Variants in NR1H4 observed in about 807,000 individuals in gnomAD.
The protein encoded by NR1H4 is bile acid receptor.
In NR1H4, 23 loss-of-function variants were observed where a neutral mutation model predicts 58.5. The ratio of observed to expected loss-of-function variants is 0.39; its 90% CI spans 0.28 to 0.56. The LOEUF (loss-of-function observed/expected upper bound fraction) is 0.56, where lower values mean the gene tolerates loss of function less well. NR1H4 is among the 20% of genes least tolerant of loss of function. The pLI, the probability that NR1H4 is intolerant of heterozygous loss-of-function variation, is 0.58. For synonymous variants in NR1H4, 214 were observed against 198.0 expected, an observed-to-expected ratio of 1.08 and a Z score of -0.68; for missense variants, 487 against 576.9, an observed-to-expected ratio of 0.84 and a Z score of 1.60.
intron 9 of NR1H4, among the ~76,000 whole-genome samples, chr12:100,561,459 A>G (rs182223469): frequency 9.8e-5 from 15 of 152,354 alleles, no homozygotes; most frequent in Admixed American, 2.0e-4. Flanking sequence ...GAAGCTGTCT[A>G]TACTTCCAGA....
chr12:100,554,951 T>C (rs1433948647), intron 9 of NR1H4, among the ~76,000 whole-genome samples: 1 of 152,240 alleles, frequency 6.6e-6, no homozygotes, highest in African/African-American at 2.4e-5. Context: ...GAAAATTATT[T>C]TTTAACTCTC....
chr12:100,553,749 C>T (rs972323762), intron 9 of NR1H4, among the ~76,000 whole-genome samples: 1 of 152,330 alleles, frequency 6.6e-6, no homozygotes, highest in East Asian at 1.9e-4. Context: ...CTATCCTTGG[C>T]GTATTGACCT....
chr12:100,491,641 C>G (rs772731730), intron 1 of NR1H4, among the ~76,000 whole-genome samples: 29 of 151,542 alleles, frequency 1.9e-4, no homozygotes, highest in African/African-American at 7.0e-4. Flanking sequence ...CCCACCAAGC[C>G]GCTTATATTA....
chr12:100,533,890 C>CTT (rs758465149), intron 5 of NR1H4, among the ~76,000 whole-genome samples: 9 of 143,410 alleles, frequency 6.3e-5, no homozygotes, highest in South Asian at 2.2e-4. Context: ...TAATAGCTCT[C>CTT]TTTTTTTTTT....
chr12:100,479,601 A>T (rs1953337545), intron 1 of NR1H4, among the ~76,000 whole-genome samples: 1 of 152,248 alleles, frequency 6.6e-6, no homozygotes, highest in Non-Finnish European at 1.5e-5. Context: ...ACTAAGTTCA[A>T]GAATCAACCC....
intron 9 of NR1H4, among the ~76,000 whole-genome samples, chr12:100,559,401 C>G (rs577872316): frequency 1.2e-4 from 18 of 152,332 alleles, no homozygotes; most frequent in Admixed American, 1.2e-3. Flanking sequence ...GAGCGGGAAC[C>G]GGGGCTGCGT....
intron 9 of NR1H4, among the ~76,000 whole-genome samples, chr12:100,544,447 A>T (rs1375787709): frequency 6.6e-6 from 1 of 152,090 alleles, no homozygotes; most frequent in Non-Finnish European, 1.5e-5. Flanking sequence ...TGGATTGAAT[A>T]TGGGCCCCAC....
At chr12:100,553,296 C>T (rs1468764714) in intron 9 of NR1H4, among the ~76,000 whole-genome samples, 1 of 152,194 alleles carries the variant, frequency 6.6e-6, no homozygotes, top group Non-Finnish European at 1.5e-5. Flanking sequence ...CTGCGCCCGG[C>T]CGATTCCCAC....
At chr12:100,519,230 GT>G (rs1954349163) in intron 4 of NR1H4, among the ~76,000 whole-genome samples, 1 of 152,112 alleles carries the variant, frequency 6.6e-6, no homozygotes, top group African/African-American at 2.4e-5. Context: ...CTAGAGCTCG[GT>G]GGAAACTTTA....
In NR1H4 at chr12:100,527,082, A is replaced by T. The variant is rs561760395; in HGVS notation, c.446-5376A>T. ...AATGCTCCTACAATTATTGCAAAAC[A>T]ATCATTTATGAACTCAAACTGGGGA... On this transcript the variant is annotated intron_variant, in intron 4 of 10. Coordinates refer to ENST00000392986, the MANE Select transcript of NR1H4 (RefSeq NM_001206979.2). Among the ~76,000 whole-genome samples, 6 of 152,368 alleles carry T rather than the reference A, an allele frequency of 3.9e-5. No individual in the cohort carries two copies. In the South Asian group the frequency reaches 1.2e-3, roughly 32 times the overall value.
Position 100,563,376 on chromosome 12 carries a change from C to G in NR1H4, c.1318C>G (p.Arg440Gly). 1 of 1,614,040 alleles carries G rather than the reference C, an allele frequency of 6.2e-7. No individual in the cohort carries two copies. The change falls in exon 11 of 11, where the codon CGC becomes GGC. Residue 440 changes from arginine to glycine, a missense_variant. Arg to Gly is a moderately radical substitution (Grantham distance 125, BLOSUM62 -2). Transcript: ENST00000392986. ...TCAACACTTTGCCTGTCTCCTGGGT[C>G]GCCTGACTGAATTACGGACATTCAA... ...NPQHFACLLG[R>G]LTELRTFNHH...
intron 9 of NR1H4, among the ~76,000 whole-genome samples, chr12:100,561,116 G>C (rs1322556961): frequency 6.6e-6 from 1 of 152,060 alleles, no homozygotes; most frequent in Non-Finnish European, 1.5e-5. Flanking sequence ...CCCTGGCCTG[G>C]CTGGGCGCGG....
rs1430718243 is a variant in NR1H4, at chr12:100,505,461, G to T, written c.80-5317G>T. The T allele has an allele frequency of 5.6e-6, 3 of 534,628 alleles. No homozygotes were observed. The South Asian group carries it at 9.0e-5, about 16-fold the overall frequency. The allele number at this position is 534,628 out of a possible 1,614,324, so 33.1% of individuals were successfully genotyped here. A position where few individuals can be genotyped will look rare whatever the true frequency, so the allele number is the denominator to read the frequency against. On this transcript the variant is annotated intron_variant, in intron 3 of 10. Transcript: ENST00000392986. ...CTATGTGGTTAGTGGCTACCATATT[G>T]GTAGGTACAGAACCCTTCTATCACC...
intron 9 of NR1H4, among the ~76,000 whole-genome samples, chr12:100,547,606 C>T (rs1458299118): frequency 6.6e-6 from 1 of 152,144 alleles, no homozygotes; most frequent in Non-Finnish European, 1.5e-5. Flanking sequence ...CAGGCAGTTA[C>T]ACCTTGGGGC....
At chr12:100,515,857 C>T (rs1471470807) in intron 4 of NR1H4, among the ~76,000 whole-genome samples, 1 of 152,204 alleles carries the variant, frequency 6.6e-6, no homozygotes, top group African/African-American at 2.4e-5. Context: ...AAAGCCACTT[C>T]AACTTGTCTG....
chr12:100,540,529 G>A, intron 8 of NR1H4, 143 bp from the exon 9 acceptor site: 1 of 821,202 alleles, frequency 1.2e-6, no homozygotes, highest in Non-Finnish European at 2.0e-6. Flanking sequence ...TATTTTATTG[G>A]CGAGTACAAA....
chr12:100,508,662 AACAT>A (rs1268568091), intron 3 of NR1H4, among the ~76,000 whole-genome samples: 1 of 152,156 alleles, frequency 6.6e-6, no homozygotes, highest in African/African-American at 2.4e-5. Context: ...AATAAATGAG[AACAT>A]ACAAGTGCCT....
chr12:100,533,921 G>C (rs1445004872), intron 5 of NR1H4, among the ~76,000 whole-genome samples: 1 of 146,458 alleles, frequency 6.8e-6, no homozygotes, highest in African/African-American at 2.6e-5. Context: ...ACGGAGTCTC[G>C]CTCTGTCGCC....
chr12:100,552,052 C>T (rs1271588743), intron 9 of NR1H4, among the ~76,000 whole-genome samples: 2 of 152,158 alleles, frequency 1.3e-5, no homozygotes, highest in African/African-American at 4.8e-5. Context: ...ATACAGAACC[C>T]ACAGAGAGTT....
Sources: gnomAD v4.1 joint callset for allele counts (sites outside exome capture counted in the v4.1 genomes callset) on GRCh38, gnomAD v4.1.1 for gene constraint, MANE v1.5 for transcripts, NCBI Gene and HGNC (gene_info 2026-07-23, HGNC 2026-07-21) for gene names.